ACOT7: variants seen among roughly 807,000 people sequenced by gnomAD.
ACOT7 encodes acyl-CoA thioesterase 7.
In ACOT7, 12 loss-of-function variants were observed where a neutral mutation model predicts 40.2. The observed-to-expected ratio is 0.30, with a 90% CI of 0.19 to 0.48. The LOEUF is 0.48. Ranked by LOEUF, ACOT7 falls within the 20% of genes least tolerant of loss-of-function variation. ACOT7 has a pLI of 0.99. For synonymous variants in ACOT7, 228 were observed against 219.5 expected, an observed-to-expected ratio of 1.04 and a Z score of -0.34; for missense variants, 395 against 530.8, an observed-to-expected ratio of 0.74 and a Z score of 2.51.
rs369724108 is a variant in ACOT7, at chr1:6,281,249, C to G, written c.867G>C (p.Thr289=). The stretch of plus-strand genomic sequence containing the variant: ...CCTCGATCTCCATGGACTTATTGCT[C>G]GTGAAGGTCATGCGTCCCGAGATGG... The part of the protein sequence containing the change: ...VITISGRMTF[T]SNKSMEIEVL... Residue 289 remains threonine (T), a synonymous_variant, in exon 8 of 9, where the codon ACG becomes ACC. Coordinates refer to ENST00000361521, the MANE Select transcript of ACOT7 (RefSeq NM_007274.4). 1.2e-6 allele frequency: 2 copies of G among 1,613,934 alleles called. No homozygotes were observed.
chr1:6,295,890 AT>A (rs1312895291), intron 6 of ACOT7, among the ~76,000 whole-genome samples: 5 of 152,018 alleles, frequency 3.3e-5, no homozygotes, highest in Admixed American at 2.6e-4. Context: ...AAAAAAAAAA[AT>A]CAACAACTTG....
intron 7 of ACOT7, among the ~76,000 whole-genome samples, chr1:6,290,976 T>C (rs534087278): frequency 6.6e-6 from 1 of 152,306 alleles, no homozygotes; most frequent in Admixed American, 6.5e-5. Context: ...GACGTCAATT[T>C]CACTGCTGGC....
At chr1:6,281,940 C>A (rs61760845) in intron 7 of ACOT7, among the ~76,000 whole-genome samples, 13,843 of 152,204 alleles carry the variant, frequency 0.091, 856 homozygotes, top group Middle Eastern at 0.17. Context: ...CTCCTCTGGG[C>A]TGCTGGATGC....
rs545991667 is a variant in ACOT7, at chr1:6,278,258, G to A, written c.1014+2844C>T. Among the ~76,000 whole-genome samples the A allele has an allele frequency of 5.6e-4, 85 of 152,304 alleles. No homozygotes were observed. Among genetic ancestry groups the A allele is most frequent in the African/African-American group, 1.9e-3 (80 of 41,556 alleles). On this transcript the variant is annotated intron_variant, in intron 8 of 8. Coordinates refer to ENST00000361521, the MANE Select transcript of ACOT7 (RefSeq NM_007274.4). The surrounding 1 kb of genome is among the most constrained non-coding windows in gnomAD (Gnocchi z 4.1). ...GGCGCCGGGCAGGAGTGAGCTTGCTGCACCCACACCCAGGGCATGGAGGAG... is the reference window on the plus strand; with the variant it reads ...GGCGCCGGGCAGGAGTGAGCTTGCTACACCCACACCCAGGGCATGGAGGAG...
At chr1:6,276,590 G>T (rs1004280342) in intron 8 of ACOT7, among the ~76,000 whole-genome samples, 13 of 151,962 alleles carry the variant, frequency 8.6e-5, no homozygotes, top group African/African-American at 3.1e-4. Context: ...CTGACGTGGG[G>T]ATGAGGGAGG....
chr1:6,265,141 G>A (rs1021980498), intron 8 of ACOT7, among the ~76,000 whole-genome samples: 3 of 152,172 alleles, frequency 2.0e-5, no homozygotes, highest in South Asian at 2.1e-4. Context: ...GGAGCTGAAC[G>A]GAAGTGGAAA....
In ACOT7 at chr1:6,387,936, T is replaced by TG. The variant is rs1553163267; in HGVS notation, c.143+5320_143+5321insC. Among the ~76,000 whole-genome samples, 492 of 148,416 alleles carry TG rather than the reference T, an allele frequency of 3.3e-3. 3 individuals carry two copies. Among genetic ancestry groups the TG allele is most frequent in the African/African-American group, 0.011 (448 of 40,750 alleles). ...GGCTTCTGTAAATCAGGTTCTTTGTTTTTTTTTTTTTCTTTTTTTTTGAGA... is the reference window on the plus strand; with the variant it reads ...GGCTTCTGTAAATCAGGTTCTTTGTTGTTTTTTTTTTTCTTTTTTTTTGAGA... On this transcript the variant is annotated intron_variant, in intron 1 of 8. Coordinates refer to ENST00000361521, the MANE Select transcript of ACOT7 (RefSeq NM_007274.4).
chr1:6,368,734 T>C (rs2148471802), intron 1 of ACOT7, among the ~76,000 whole-genome samples: 1 of 152,306 alleles, frequency 6.6e-6, no homozygotes, highest in East Asian at 1.9e-4. Flanking sequence ...TGGGAGCAGG[T>C]CCTGCCTGGC....
Position 6,306,791 on chromosome 1 carries a change from G to A in ACOT7, c.712+11701C>T, listed in dbSNP as rs559213986. On this transcript the variant is annotated intron_variant, in intron 6 of 8. Transcript: ENST00000361521. The surrounding 1 kb of genome is among the most constrained non-coding windows in gnomAD (Gnocchi z 4.3). ...GAGGGTCTGGTGTGTTGTGTCCCAC[G>A]TAGCAGTGGGGGCTCCGGCCAAACA... 2.4e-5 allele frequency: 31 copies of A among 1,288,294 alleles called. 1 individual carries two copies. Among genetic ancestry groups the A allele is most frequent in the East Asian group, 2.2e-4 (4 of 18,004 alleles). The allele number at this position is 1,288,294 out of a possible 1,614,324, so 79.8% of individuals were successfully genotyped here. A position where few individuals can be genotyped will look rare whatever the true frequency, so the allele number is the denominator to read the frequency against.
chr1:6,339,476 AG>A lies in ACOT7; in HGVS notation c.374del (p.Ser125LeufsTer8). The stretch of plus-strand genomic sequence containing the variant: ...ACATCACGTTGACCTGCACCTCCAC[AG>A]AGTGCTTGGAGGTGTAGGTGATCTC... ...SAEITYTSKH[S>X]VEVQVNVMSE... On this transcript the variant is annotated frameshift_variant, in exon 3 of 9. Transcript: ENST00000361521. LOFTEE classifies it high-confidence loss of function. 1 of 1,613,742 alleles carries A rather than the reference AG, an allele frequency of 6.2e-7. No homozygotes were observed. The highest frequency in any genetic ancestry group is 8.5e-7 in the Non-Finnish European group (1 of 1,180,020).
chr1:6,276,497 C>A (rs3789508), intron 8 of ACOT7, among the ~76,000 whole-genome samples: 3 of 151,524 alleles, frequency 2.0e-5, no homozygotes, highest in Admixed American at 2.0e-4. Context: ...TTCATGGAGA[C>A]GCAACTCCAA....
rs1032752047 is a variant in ACOT7 at position 6,367,380 on chromosome 1, C to T, written c.144-17514G>A. Among the ~76,000 whole-genome samples the T allele has an allele frequency of 3.3e-5, 5 of 152,266 alleles. No individual in the cohort carries two copies. In the Middle Eastern group the frequency reaches 0.01, roughly 311 times the overall value. On this transcript the variant is annotated intron_variant, in intron 1 of 8. Transcript: ENST00000361521. ...TTGCTGGGGCCCACTGGGCTTATTC[C>T]ACCCACTCAGCCTGGCAGGCTGCGC...
chr1:6,314,713 CA>C (rs1383511071), intron 6 of ACOT7, among the ~76,000 whole-genome samples: 1 of 152,158 alleles, frequency 6.6e-6, no homozygotes, highest in Non-Finnish European at 1.5e-5. Context: ...AGACAGAAAC[CA>C]AAAGCCCAGT....
chr1:6,281,911 C>T (rs1639369675), intron 7 of ACOT7, among the ~76,000 whole-genome samples: 1 of 152,170 alleles, frequency 6.6e-6, no homozygotes, highest in South Asian at 2.1e-4. Context: ...ACTGGTCTCG[C>T]CCACGGGACC....
chr1:6,265,842 C>T (rs1434300859), intron 8 of ACOT7, among the ~76,000 whole-genome samples: 1 of 152,220 alleles, frequency 6.6e-6, no homozygotes, highest in Non-Finnish European at 1.5e-5. Context: ...TGACACCAAA[C>T]TGTACAGCTA....
chr1:6,390,592 T>C (rs1474136183), intron 1 of ACOT7, among the ~76,000 whole-genome samples: 1 of 150,086 alleles, frequency 6.7e-6, no homozygotes, highest in Non-Finnish European at 1.5e-5. Flanking sequence ...AGAAACAATA[T>C]GCAATTGTGA....
intron 1 of ACOT7, among the ~76,000 whole-genome samples, chr1:6,380,856 G>A (rs1290006833): frequency 6.6e-6 from 1 of 151,734 alleles, no homozygotes; most frequent in Non-Finnish European, 1.5e-5. Context: ...AAAGGCACAA[G>A]GAACAAAAGA....
intron 7 of ACOT7, among the ~76,000 whole-genome samples, chr1:6,291,421 C>T (rs951042571): frequency 2.6e-5 from 4 of 152,110 alleles, no homozygotes; most frequent in East Asian, 3.9e-4. Context: ...GGGGCAGGGA[C>T]GGATCCTCCC....
intron 8 of ACOT7, 91 bp downstream of exon 8, chr1:6,281,011 T>G: frequency 1.3e-6 from 2 of 1,500,486 alleles, no homozygotes; most frequent in South Asian, 2.4e-5. Context: ...ACAGGACTCA[T>G]GCAGGCACAG....
Sources: allele counts gnomAD v4.1 joint callset (sites outside exome capture counted in the v4.1 genomes callset), GRCh38; gene constraint gnomAD v4.1.1; non-coding constraint Gnocchi (gnomAD v3.1); transcripts MANE v1.5; gene names NCBI Gene and HGNC (gene_info 2026-07-23, HGNC 2026-07-21).